PKD1L1: variants seen among roughly 807,000 people sequenced by gnomAD.
PKD1L1 encodes the protein polycystin 1 like 1, transient receptor potential channel interacting.
PKD1L1 carries 236 observed loss-of-function variants against 323.4 expected under a neutral mutation model. The observed-to-expected ratio is 0.73, with a 90% confidence interval of 0.66 to 0.81. The LOEUF (loss-of-function observed/expected upper bound fraction) is 0.81. Among genes scored for constraint, PKD1L1 ranks in the 40% least tolerant of loss-of-function variants. The pLI, the probability that PKD1L1 is intolerant of heterozygous loss-of-function variation, is 0.00. For synonymous variants in PKD1L1, 1,344 were observed against 1,335.0 expected (o/e 1.01, Z -0.15); for missense variants, 3,320 against 3,508.0 (o/e 0.95, Z 1.35).
At chr7:47,931,699 T>A (rs1562995811) in intron 5 of PKD1L1, among the ~76,000 whole-genome samples, 1 of 152,254 alleles carries the variant, frequency 6.6e-6, no homozygotes, top group East Asian at 1.9e-4. Flanking sequence ...GAGATGGCGC[T>A]CTTACAGACA....
chr7:47,875,029 T>C (rs1786373625), intron 23 of PKD1L1, among the ~76,000 whole-genome samples: 1 of 152,186 alleles, frequency 6.6e-6, no homozygotes, highest in Non-Finnish European at 1.5e-5. Flanking sequence ...AATCTTTACT[T>C]CCAACACAGA....
intron 15 of PKD1L1, 22 bp downstream of exon 15, chr7:47,893,854 GCT>G: frequency 6.2e-7 from 1 of 1,608,402 alleles, no homozygotes; most frequent in Non-Finnish European, 8.5e-7. Context: ...TAGCTGCGCA[GCT>G]CTGTGTGGGG....
intron 24 of PKD1L1, among the ~76,000 whole-genome samples, chr7:47,870,148 T>C (rs62450668): frequency 0.32 from 48,289 of 151,522 alleles, 8,170 homozygotes; most frequent in African/African-American, 0.41. Context: ...GACGAATCAA[T>C]AATCTAATTT....
In PKD1L1 at chr7:47,857,644, G is replaced by A; in HGVS notation, c.4551C>T (p.Phe1517=). The A allele has an allele frequency of 6.2e-7, 1 of 1,614,198 alleles. No homozygotes were observed. The highest frequency in any genetic ancestry group is 8.5e-7 in the Non-Finnish European group (1 of 1,180,040). The part of the protein sequence containing the change: ...SPCYISQLIL[F]KKNPYPGSQA... ...GGCTCCCTGGATATGGGTTCTTCTT[G>A]AAGAGTATGAGCTGGCTAATGTAGC... Residue 1517 remains phenylalanine (F), a synonymous_variant, in exon 28 of 57, where the codon TTC becomes TTT. Transcript: ENST00000289672.
intron 24 of PKD1L1, among the ~76,000 whole-genome samples, chr7:47,867,543 G>A (rs970757641): frequency 3.3e-5 from 5 of 152,166 alleles, no homozygotes; most frequent in African/African-American, 1.2e-4. Context: ...GAAAAATTAT[G>A]AGACATCCAA....
the PKD1L1 span, among the ~76,000 whole-genome samples, chr7:47,957,831 G>A: frequency 2.0e-4 from 21 of 104,088 alleles, no homozygotes; most frequent in South Asian, 6.3e-3. Flanking sequence ...AAGAAATCAA[G>A]AAAATCCCAT....
chr7:47,948,432 C>T lies in PKD1L1; in HGVS notation c.9G>A (p.Glu3=), dbSNP rs1322931190. ...CATCAGAAATGTTCTGGGCTGCCTC[C>T]TCGGCCATGTCCTGTGCAAGCTGGT... MA[E]EAAQNISDDQ... The change falls in exon 1 of 57, where the codon GAG becomes GAA. Residue 3 remains glutamate (E), a synonymous_variant. Coordinates refer to ENST00000289672, the MANE Select transcript of PKD1L1 (RefSeq NM_138295.5). The T allele has an allele frequency of 1.2e-6, 2 of 1,613,984 alleles. No homozygotes were observed. Among genetic ancestry groups the T allele is most frequent in the Non-Finnish European group, 1.7e-6 (2 of 1,180,020 alleles).
At chr7:47,898,243 A>AG in intron 13 of PKD1L1, 49 bp from the exon 14 acceptor site, 1 of 1,454,670 alleles carries the variant, frequency 6.9e-7, no homozygotes, top group Non-Finnish European at 9.6e-7. Context: ...CATCACATCT[A>AG]ATGTACTGGT....
chr7:47,804,781 A>G (rs1244911838), intron 52 of PKD1L1, among the ~76,000 whole-genome samples: 3 of 152,166 alleles, frequency 2.0e-5, no homozygotes, highest in Non-Finnish European at 2.9e-5. Flanking sequence ...CACCACGCCC[A>G]GCACATTTTT....
chr7:47,862,337 AGACTG>A (rs1786050115), intron 26 of PKD1L1, among the ~76,000 whole-genome samples: 1 of 152,154 alleles, frequency 6.6e-6, no homozygotes, highest in African/African-American at 2.4e-5. Flanking sequence ...CCTCCCACCT[AGACTG>A]GAGGTTGTTG....
chr7:47,956,359 C>A, the PKD1L1 span, among the ~76,000 whole-genome samples: 1 of 152,320 alleles, frequency 6.6e-6, no homozygotes, highest in South Asian at 2.1e-4. Flanking sequence ...CCTGGAAGCA[C>A]TGCAGGTGCC....
rs1350764151 is a variant in PKD1L1 at position 47,864,624 on chromosome 7, CTTTCTTTCT to C, written c.4149+583_4149+591del. ...TCTTTCTTTCTTTCTTTCTTTCTTTCTTTCTTTCTTTCCTTCCTTCCTTCCTTCCTCCCT... is the reference window on the plus strand; with the variant it reads ...TCTTTCTTTCTTTCTTTCTTTCTTTCTTCCTTCCTTCCTTCCTTCCTCCCT... On this transcript the variant is annotated intron_variant, in intron 26 of 56. Coordinates refer to ENST00000289672, the MANE Select transcript of PKD1L1 (RefSeq NM_138295.5). 2.2e-4 allele frequency among the ~76,000 whole-genome samples: 31 copies of C among 138,134 alleles called. No individual in the cohort carries two copies. In the South Asian group the frequency reaches 3.2e-3, roughly 14 times the overall value. 90.6% of individuals were successfully genotyped at this position (138,134 alleles called of 152,430 possible). A position where few individuals can be genotyped will look rare whatever the true frequency, so the allele number is the denominator to read the frequency against.
chr7:47,951,829 G>A (rs1583701293), upstream of PKD1L1, among the ~76,000 whole-genome samples: 2 of 152,306 alleles, frequency 1.3e-5, no homozygotes, highest in African/African-American at 2.4e-5. Flanking sequence ...AACCAACTTC[G>A]TTTCTCAGGT....
intron 3 of PKD1L1, among the ~76,000 whole-genome samples, chr7:47,937,993 C>G (rs1047038918): frequency 5.3e-5 from 8 of 152,054 alleles, no homozygotes; most frequent in African/African-American, 1.7e-4. Flanking sequence ...GGGAAGCTGG[C>G]CACCTTGTTT....
chr7:47,826,845 T>C (rs143362701), intron 45 of PKD1L1, among the ~76,000 whole-genome samples: 2 of 152,366 alleles, frequency 1.3e-5, no homozygotes, highest in African/African-American at 4.8e-5. Context: ...ATGAGAACCA[T>C]AACACAGCTG....
intron 25 of PKD1L1, among the ~76,000 whole-genome samples, chr7:47,865,568 A>ATATTTTATTTTATT (rs1554404502): frequency 1.7e-4 from 24 of 140,490 alleles, no homozygotes; most frequent in African/African-American, 6.7e-4. Context: ...CAATTTATTT[A>ATATTTTATTTTATT]TTATTTTATT....
At chr7:47,954,145 G>A in the PKD1L1 span, among the ~76,000 whole-genome samples, 20 of 152,278 alleles carry the variant, frequency 1.3e-4, no homozygotes, top group African/African-American at 4.8e-4. Flanking sequence ...GTCATGGTGC[G>A]CTAAGACACG....
At chr7:47,850,361 G>A (rs934741565) in intron 31 of PKD1L1, among the ~76,000 whole-genome samples, 1 of 152,154 alleles carries the variant, frequency 6.6e-6, no homozygotes, top group Non-Finnish European at 1.5e-5. Context: ...GACGGGCGCC[G>A]TGGCTCACGC....
chr7:47,862,888 G>A (rs955663111), intron 26 of PKD1L1, among the ~76,000 whole-genome samples: 1 of 152,200 alleles, frequency 6.6e-6, no homozygotes, highest in African/African-American at 2.4e-5. Flanking sequence ...GCCACGGGGA[G>A]TGCTGAGCAG....
Sources: allele counts gnomAD v4.1 joint callset (sites outside exome capture counted in the v4.1 genomes callset), GRCh38; gene constraint gnomAD v4.1.1; transcripts MANE v1.5; gene names NCBI Gene and HGNC (gene_info 2026-07-23, HGNC 2026-07-21).